The following DLC1 variants were observed in gnomAD, a reference collection of about 807,000 sequenced individuals.
DLC1 encodes DLC1 Rho GTPase activating protein, also known as rho GTPase-activating protein 7.
A neutral mutation model predicts 140.3 loss-of-function variants in DLC1; 54 were observed. That is an observed-to-expected ratio of 0.38 (90% CI 0.31 to 0.48). The LOEUF is 0.48. DLC1 is among the 20% of genes least tolerant of loss of function. The probability of loss-of-function intolerance (pLI) is 0.96; values close to 1 mark genes in which losing one functional copy is unlikely to be tolerated. For synonymous variants in DLC1, 986 were observed against 728.1 expected, an observed-to-expected ratio of 1.35 and a Z score of -5.70; for missense variants, 2,536 against 1,907.0, an observed-to-expected ratio of 1.33 and a Z score of -6.14.
intron 2 of DLC1, among the ~76,000 whole-genome samples, chr8:13,424,392 G>A (rs555445938): frequency 2.0e-5 from 3 of 152,128 alleles, no homozygotes; most frequent in African/African-American, 7.2e-5. Context: ...TGGAGGCTGA[G>A]ACAGGAGAAT....
At position 13,100,933 on chromosome 8, in the gene DLC1, G is replaced by T. The variant is rs575098900; in HGVS notation, c.1567-163C>A. Reference sequence around the variant, plus strand: ...TTTTTTTTTTTTTTTTAAAAATAGGGTCTCACTCTGTTGTACAGGCTGTAT... The same window carrying T: ...TTTTTTTTTTTTTTTTAAAAATAGGTTCTCACTCTGTTGTACAGGCTGTAT... On this transcript the variant is annotated intron_variant, in intron 8 of 17. Coordinates refer to ENST00000276297, the MANE Select transcript of DLC1 (RefSeq NM_182643.3). 9.3e-4 allele frequency: 653 copies of T among 702,390 alleles called. 2 individuals are homozygous for T. Among genetic ancestry groups the T allele is most frequent in the Middle Eastern group, 4.2e-3 (10 of 2,384 alleles). The allele number at this position is 702,390 out of a possible 1,614,324, so 43.5% of individuals were successfully genotyped here. A position where few individuals can be genotyped will look rare whatever the true frequency, so the allele number is the denominator to read the frequency against.
chr8:13,542,610 C>A (rs1585257357), intron 1 of DLC1, among the ~76,000 whole-genome samples: 1 of 151,678 alleles, frequency 6.6e-6, no homozygotes, highest in Non-Finnish European at 1.5e-5. Flanking sequence ...CACTATTGAC[C>A]TTCTGATCAA....
At chr8:13,391,087 G>T (rs1289007820) in intron 4 of DLC1, among the ~76,000 whole-genome samples, 1 of 152,102 alleles carries the variant, frequency 6.6e-6, no homozygotes, top group Non-Finnish European at 1.5e-5. Flanking sequence ...GATTGTCTTT[G>T]ATGGTGGAGT....
chr8:13,322,426 TG>T (rs1401394778), intron 4 of DLC1, among the ~76,000 whole-genome samples: 6 of 152,298 alleles, frequency 3.9e-5, no homozygotes, highest in Admixed American at 3.9e-4. Context: ...TTTTTTATTT[TG>T]TTGGACACAA....
chr8:13,201,770 T>C (rs1014671531), intron 5 of DLC1, among the ~76,000 whole-genome samples: 1 of 152,080 alleles, frequency 6.6e-6, no homozygotes, highest in Non-Finnish European at 1.5e-5. Context: ...GTGTACAAAA[T>C]GTATTTTTAA....
chr8:13,283,503 A>G (rs189972025), intron 5 of DLC1, among the ~76,000 whole-genome samples: 320 of 152,270 alleles, frequency 2.1e-3, no homozygotes, highest in South Asian at 0.014. Context: ...ATAACCTGGC[A>G]GTTCTTTTTC....
At chr8:13,159,834 G>C (rs907882874) in intron 5 of DLC1, among the ~76,000 whole-genome samples, 2 of 151,290 alleles carry the variant, frequency 1.3e-5, no homozygotes, top group African/African-American at 2.4e-5. Flanking sequence ...GATGGATGGA[G>C]GCATGGAGTG....
At chr8:13,144,701 C>T (rs1301915474) in intron 5 of DLC1, among the ~76,000 whole-genome samples, 1 of 152,160 alleles carries the variant, frequency 6.6e-6, no homozygotes, top group Non-Finnish European at 1.5e-5. Context: ...AGAGGCAGAG[C>T]TTGCAGTGAG....
At chr8:13,253,984 G>T (rs950237033) in intron 5 of DLC1, among the ~76,000 whole-genome samples, 1 of 152,096 alleles carries the variant, frequency 6.6e-6, no homozygotes, top group Non-Finnish European at 1.5e-5. Context: ...GGTGAATGTG[G>T]TCTCTTTTAA....
chr8:13,147,177 T>C (rs1267754156), intron 5 of DLC1, among the ~76,000 whole-genome samples: 2 of 152,226 alleles, frequency 1.3e-5, no homozygotes, highest in East Asian at 3.8e-4. Context: ...TTTAGATTCT[T>C]CCTTAGAACC....
chr8:13,156,069 C>T (rs564181657), intron 5 of DLC1, among the ~76,000 whole-genome samples: 1 of 152,212 alleles, frequency 6.6e-6, no homozygotes, highest in South Asian at 2.1e-4. Flanking sequence ...TTTCTTGTTG[C>T]TTAATCAGCA....
chr8:13,379,785 C>T (rs1407464894), intron 4 of DLC1, among the ~76,000 whole-genome samples: 1 of 152,146 alleles, frequency 6.6e-6, no homozygotes, highest in African/African-American at 2.4e-5. Flanking sequence ...GGTATTTGTC[C>T]TAACACTTAC....
In DLC1 at chr8:13,314,216, A is replaced by T. The variant is rs186138398; in HGVS notation, c.1315-8914T>A. On this transcript the variant is annotated intron_variant, in intron 4 of 17. Coordinates refer to ENST00000276297, the MANE Select transcript of DLC1 (RefSeq NM_182643.3). ...ATAATTATACATATAATATATAGAC[A>T]TACATATATTACACATATATTTATA... Among the ~76,000 whole-genome samples, 502 of 130,746 alleles carry T rather than the reference A, an allele frequency of 3.8e-3. 3 individuals carry two copies. The highest frequency in any genetic ancestry group is 0.013 in the African/African-American group (468 of 35,774). The allele number at this position is 130,746 out of a possible 152,430, so 85.8% of individuals were successfully genotyped here.
chr8:13,101,042 A>G, intron 8 of DLC1: 1 of 381,892 alleles, frequency 2.6e-6, no homozygotes, highest in Non-Finnish European at 4.6e-6. Flanking sequence ...GGGATAAGCT[A>G]CTGTGCCCAG....
At chr8:13,138,012 A>G (rs941796364) in intron 5 of DLC1, among the ~76,000 whole-genome samples, 2 of 152,168 alleles carry the variant, frequency 1.3e-5, no homozygotes, top group African/African-American at 4.8e-5. Context: ...GTTAACTCCT[A>G]AACTGCATGA....
Position 13,085,902 on chromosome 8 carries a change from G to T in DLC1, c.4496C>A (p.Ser1499Tyr). Residue 1499 changes from serine to tyrosine, a missense_variant, in exon 18 of 18, where the codon TCT becomes TAT. Ser to Tyr is a moderately radical substitution (Grantham distance 144). Transcript: ENST00000276297. ...TTCAGCTGCACACAAATGTCCAAAA[G>T]ATTTTGTGTACCATTCTGGCATGTG... ...RGHMPEWYTK[S>Y]FGHLCAAEVV... 6.2e-7 allele frequency: 1 copy of T among 1,614,122 alleles called. No homozygotes were observed. The highest frequency in any genetic ancestry group is 2.2e-5 in the East Asian group (1 of 44,870).
chr8:13,332,276 C>T (rs1833623500), intron 4 of DLC1, among the ~76,000 whole-genome samples: 1 of 152,166 alleles, frequency 6.6e-6, no homozygotes, highest in Non-Finnish European at 1.5e-5. Flanking sequence ...AAGATTGGTT[C>T]CTGCAGTGCC....
At chr8:13,269,701 C>A (rs1448192522) in intron 5 of DLC1, among the ~76,000 whole-genome samples, 116 of 99,398 alleles carry the variant, frequency 1.2e-3, no homozygotes, top group South Asian at 1.8e-3. Context: ...AAAACTCTGT[C>A]AAAAAAAAAA....
intron 5 of DLC1, among the ~76,000 whole-genome samples, chr8:13,220,289 A>G (rs1828477492): frequency 6.6e-6 from 1 of 152,302 alleles, no homozygotes; most frequent in Middle Eastern, 3.4e-3. Flanking sequence ...AGAACAAAGG[A>G]AATTTGAATT....
Sources: allele counts gnomAD v4.1 joint callset (sites outside exome capture counted in the v4.1 genomes callset), GRCh38; gene constraint gnomAD v4.1.1; transcripts MANE v1.5; gene names NCBI Gene and HGNC (gene_info 2026-07-23, HGNC 2026-07-21).